Variants in PDZRN4 observed in about 807,000 individuals in gnomAD.
PDZRN4 encodes PDZ domain containing ring finger 4.
In PDZRN4, 70 loss-of-function variants were observed where a neutral mutation model predicts 99.0. The observed-to-expected ratio is 0.71, with a 90% CI of 0.58 to 0.86. The LOEUF (loss-of-function observed/expected upper bound fraction) is 0.86, where lower values mean the gene tolerates loss of function less well. Ranked by LOEUF, PDZRN4 falls within the 40% of genes least tolerant of loss-of-function variation. PDZRN4 has a pLI of 0.00. For missense variants in PDZRN4, 1,474 were observed against 1,331.2 expected (o/e 1.11, Z -1.67); for synonymous variants, 551 against 501.6 (o/e 1.10, Z -1.32).
chr12:41,307,444 G>A (rs1303629445), intron 3 of PDZRN4, among the ~76,000 whole-genome samples: 2 of 151,944 alleles, frequency 1.3e-5, no homozygotes, highest in East Asian at 3.9e-4. Context: ...CCATCACAAG[G>A]GCCCTACCTT....
intron 9 of PDZRN4, among the ~76,000 whole-genome samples, chr12:41,569,981 CT>C (rs1056780881): frequency 3.3e-5 from 5 of 150,836 alleles, no homozygotes; most frequent in African/African-American, 2.5e-5. Context: ...TTGCTCCAGG[CT>C]TTTTTTTTCT....
intron 3 of PDZRN4, among the ~76,000 whole-genome samples, chr12:41,438,513 T>C (rs1461412022): frequency 2.0e-5 from 3 of 152,212 alleles, no homozygotes; most frequent in Admixed American, 6.5e-5. Flanking sequence ...AGTAATTTTG[T>C]ATTACATGAG....
intron 3 of PDZRN4, among the ~76,000 whole-genome samples, chr12:41,257,357 A>G (rs1379914380): frequency 6.6e-6 from 1 of 152,162 alleles, no homozygotes; most frequent in Non-Finnish European, 1.5e-5. Flanking sequence ...CCTCTTTCAT[A>G]AGGGCACTAA....
intron 3 of PDZRN4, among the ~76,000 whole-genome samples, chr12:41,477,630 C>G (rs1462120295): frequency 6.6e-6 from 1 of 151,984 alleles, no homozygotes; most frequent in Non-Finnish European, 1.5e-5. Flanking sequence ...ACTACAGAAC[C>G]ACAAAAACAT....
chr12:41,540,377 A>C (rs1938827534), intron 5 of PDZRN4, among the ~76,000 whole-genome samples: 1 of 152,174 alleles, frequency 6.6e-6, no homozygotes, highest in African/African-American at 2.4e-5. Context: ...TTATTATGTC[A>C]TATTCTCAAT....
At chr12:41,210,056 G>A (rs372187251) in intron 3 of PDZRN4, among the ~76,000 whole-genome samples, 6 of 152,016 alleles carry the variant, frequency 3.9e-5, no homozygotes, top group Non-Finnish European at 7.4e-5. Context: ...GTGTGAGATG[G>A]TATCTCATTG....
At chr12:41,508,546 T>G (rs1938247847) in intron 4 of PDZRN4, among the ~76,000 whole-genome samples, 1 of 152,116 alleles carries the variant, frequency 6.6e-6, no homozygotes, top group African/African-American at 2.4e-5. Context: ...AGGGCTCCCT[T>G]CTTACTATCC....
chr12:41,438,897 G>C (rs948102180), intron 3 of PDZRN4, among the ~76,000 whole-genome samples: 6 of 152,206 alleles, frequency 3.9e-5, no homozygotes, highest in African/African-American at 1.4e-4. Context: ...AGGTGACACA[G>C]TGCTACATTT....
intron 3 of PDZRN4, among the ~76,000 whole-genome samples, chr12:41,200,897 C>T (rs757861346): frequency 4.6e-5 from 7 of 152,070 alleles, no homozygotes; most frequent in African/African-American, 1.7e-4. Context: ...TCGTAGTATC[C>T]GAACTTTAAC....
chr12:41,496,098 A>G (rs1937996197), intron 3 of PDZRN4, among the ~76,000 whole-genome samples: 1 of 152,090 alleles, frequency 6.6e-6, no homozygotes, highest in Non-Finnish European at 1.5e-5. Context: ...CAGCTTCCAC[A>G]ACGTTCAAAT....
At chr12:41,462,244 A>C (rs776069781) in intron 3 of PDZRN4, among the ~76,000 whole-genome samples, 5 of 152,208 alleles carry the variant, frequency 3.3e-5, no homozygotes, top group African/African-American at 4.8e-5. Flanking sequence ...TTTACAAAAT[A>C]GATATGCAGT....
At chr12:41,449,032 T>G (rs1455787274) in intron 3 of PDZRN4, among the ~76,000 whole-genome samples, 2 of 152,062 alleles carry the variant, frequency 1.3e-5, no homozygotes, top group African/African-American at 4.8e-5. Flanking sequence ...CCCAACACAT[T>G]AGGACCTCAT....
At chr12:41,373,506 T>C (rs548800255) in intron 3 of PDZRN4, among the ~76,000 whole-genome samples, 3 of 152,226 alleles carry the variant, frequency 2.0e-5, no homozygotes, top group African/African-American at 7.2e-5. Context: ...ATTTTTCCCA[T>C]TTGCTTTTGA....
intron 5 of PDZRN4, among the ~76,000 whole-genome samples, chr12:41,511,671 C>T (rs1364278172): frequency 6.6e-6 from 1 of 152,074 alleles, no homozygotes; most frequent in Non-Finnish European, 1.5e-5. Context: ...AGAAATTTAC[C>T]AGATTCAAGA....
At chr12:41,445,430 A>AATTAAGAAT (rs1952717200) in intron 3 of PDZRN4, among the ~76,000 whole-genome samples, 1 of 152,110 alleles carries the variant, frequency 6.6e-6, no homozygotes, top group Non-Finnish European at 1.5e-5. Context: ...AGTGTTAAGT[A>AATTAAGAAT]ATTAAGAATA....
chr12:41,488,332 A>T (rs1032454794), intron 3 of PDZRN4, among the ~76,000 whole-genome samples: 5 of 152,198 alleles, frequency 3.3e-5, no homozygotes, highest in African/African-American at 1.2e-4. Context: ...TTAGAGTCAA[A>T]TGTTATACTT....
chr12:41,477,891 T>G, intron 3 of PDZRN4: 1 of 1,552,638 alleles, frequency 6.4e-7, no homozygotes, highest in Non-Finnish European at 8.7e-7. Flanking sequence ...CCTTAAACCT[T>G]TGGCATTGTT....
intron 3 of PDZRN4, among the ~76,000 whole-genome samples, chr12:41,492,553 GA>G (rs1163445635): frequency 1.3e-5 from 2 of 152,056 alleles, no homozygotes; most frequent in Non-Finnish European, 2.9e-5. Context: ...TGTAAGAGTT[GA>G]AAAGCTCTGA....
chr12:41,515,480 T>C (rs1046849181), intron 5 of PDZRN4, among the ~76,000 whole-genome samples: 3 of 152,068 alleles, frequency 2.0e-5, no homozygotes, highest in Non-Finnish European at 4.4e-5. Context: ...GGAAATTTAC[T>C]GAATTGAAAA....
Sources: gnomAD v4.1 joint callset for allele counts (sites outside exome capture counted in the v4.1 genomes callset) on GRCh38, gnomAD v4.1.1 for gene constraint, MANE v1.5 for transcripts, NCBI Gene and HGNC (gene_info 2026-07-23, HGNC 2026-07-21) for gene names.